Variants in FAM135A observed in about 807,000 individuals in gnomAD.
FAM135A encodes family with sequence similarity 135 member A.
A neutral mutation model predicts 146.8 loss-of-function variants in FAM135A; 79 were observed. The ratio of observed to expected loss-of-function variants is 0.54; its 90% CI spans 0.45 to 0.65. The LOEUF (loss-of-function observed/expected upper bound fraction) is 0.65. FAM135A is among the 30% of genes least tolerant of loss of function. FAM135A has a pLI of 0.00. For synonymous variants in FAM135A, 562 were observed against 603.6 expected (o/e 0.93, Z 1.01); for missense variants, 1,623 against 1,758.2 (o/e 0.92, Z 1.38).
chr6:70,486,210 A>G, intron 10 of FAM135A: 1 of 1,613,904 alleles, frequency 6.2e-7, no homozygotes, highest in Non-Finnish European at 8.5e-7. Flanking sequence ...TTCTCAGAAG[A>G]AAACAGCTAC....
In FAM135A at chr6:70,526,086, A is replaced by T; in HGVS notation, c.3002A>T (p.Asp1001Val). Residue 1001 changes from aspartate (D) to valine (V), a missense_variant, in exon 15 of 22, where the codon GAT becomes GTT. By Grantham distance (152) the Asp-to-Val change is radical (BLOSUM62 -3). Coordinates refer to ENST00000418814, the MANE Select transcript of FAM135A (RefSeq NM_001162529.3). ...GATAGAACTATGAAAAAAAATAGTG[A>T]TGTATTAAATCTCACACAGATGTAT... Reference protein sequence around the residue: ...SEDRTMKKNSDVLNLTQMYSE... With the variant: ...SEDRTMKKNSVVLNLTQMYSE... 1 of 1,613,092 alleles carries T rather than the reference A, an allele frequency of 6.2e-7. No individual in the cohort carries two copies. The highest frequency in any genetic ancestry group is 8.5e-7 in the Non-Finnish European group (1 of 1,179,570).
intron 15 of FAM135A, among the ~76,000 whole-genome samples, chr6:70,527,743 T>G (rs893491319): frequency 2.6e-5 from 4 of 152,182 alleles, no homozygotes; most frequent in Non-Finnish European, 5.9e-5. Flanking sequence ...TATATACCAC[T>G]AATTGTATGC....
intron 5 of FAM135A, among the ~76,000 whole-genome samples, chr6:70,458,136 A>T (rs1329154534): frequency 6.6e-6 from 1 of 151,264 alleles, no homozygotes; most frequent in Admixed American, 6.6e-5. Flanking sequence ...TTATCTGTGT[A>T]TTTTTTAATA....
chr6:70,452,406 T>G, intron 4 of FAM135A, 86 bp from the exon 5 acceptor site: 1 of 975,988 alleles, frequency 1.0e-6, no homozygotes, highest in Non-Finnish European at 1.5e-6. Context: ...ACTTTATTAT[T>G]TTAATATGGA....
In FAM135A at chr6:70,428,306, G is replaced by A; in HGVS notation, c.-37G>A. ...TTTTTTCCCTTTCCTTAACAAAGGT[G>A]CTGTTATCAGAATAGTCTTCTGGGT... On this transcript the variant is annotated splice_region_variant and 5_prime_UTR_variant, in exon 4 of 22. Transcript: ENST00000418814. 1.4e-6 allele frequency: 2 copies of A among 1,423,962 alleles called. No individual in the cohort carries two copies. Among genetic ancestry groups the A allele is most frequent in the Non-Finnish European group, 9.5e-7 (1 of 1,048,150 alleles). 88.2% of individuals were successfully genotyped at this position (1,423,962 alleles called of 1,614,324 possible). A position where few individuals can be genotyped will look rare whatever the true frequency, so the allele number is the denominator to read the frequency against.
At chr6:70,555,962 A>G (rs1391106291) in intron 20 of FAM135A, among the ~76,000 whole-genome samples, 1 of 152,040 alleles carries the variant, frequency 6.6e-6, no homozygotes, top group Non-Finnish European at 1.5e-5. Flanking sequence ...TCTCATGATT[A>G]AGATCCTTAG....
At chr6:70,460,287 C>T (rs970393585) in intron 5 of FAM135A, among the ~76,000 whole-genome samples, 3 of 152,180 alleles carry the variant, frequency 2.0e-5, no homozygotes, top group Admixed American at 6.5e-5. Context: ...TAGCTTCAAA[C>T]AGTATATTTA....
intron 20 of FAM135A, among the ~76,000 whole-genome samples, chr6:70,541,844 G>C (rs1428758672): frequency 6.6e-6 from 1 of 152,120 alleles, no homozygotes; most frequent in Non-Finnish European, 1.5e-5. Flanking sequence ...TGCCTAGTGA[G>C]AAACTTAGAA....
rs771685500 is a variant in FAM135A, at chr6:70,528,411, A to G, written c.3734A>G (p.Glu1245Gly). The change falls in exon 16 of 22, where the codon GAA becomes GGA. Residue 1245 changes from glutamate (E) to glycine (G), a missense_variant. Physicochemically the swap from Glu to Gly is moderately conservative, Grantham distance 98. Transcript: ENST00000418814. ...YFSVEEEDGS[E>G]DGVHLIVCVH... ...AGTGTAGAAGAAGAGGATGGTTCTG[A>G]AGATGGAGTACATCTGATTGTCTGT... is the stretch of plus-strand genomic sequence containing the variant. 2 of 1,612,914 alleles carry G rather than the reference A, an allele frequency of 1.2e-6. No individual in the cohort carries two copies. Among genetic ancestry groups the G allele is most frequent in the East Asian group, 4.5e-5 (2 of 44,832 alleles).
At chr6:70,473,930 C>A (rs966578430) in intron 5 of FAM135A, among the ~76,000 whole-genome samples, 2 of 152,334 alleles carry the variant, frequency 1.3e-5, no homozygotes, top group Admixed American at 6.5e-5. Context: ...TCCAACCCCC[C>A]AGCCTGAGGT....
intron 4 of FAM135A, among the ~76,000 whole-genome samples, chr6:70,441,553 A>G (rs1774481323): frequency 6.6e-6 from 1 of 152,198 alleles, no homozygotes; most frequent in African/African-American, 2.4e-5. Flanking sequence ...TCTTTGATCC[A>G]GACCTGGAGT....
At chr6:70,520,773 T>A (rs553111884) in intron 12 of FAM135A, among the ~76,000 whole-genome samples, 1 of 152,328 alleles carries the variant, frequency 6.6e-6, no homozygotes, top group African/African-American at 2.4e-5. Context: ...TGCCATCAGG[T>A]GGCAGTCATA....
chr6:70,538,805 GTTATATTATATTATA>G (rs57363541), intron 20 of FAM135A, among the ~76,000 whole-genome samples: 1,202 of 112,856 alleles, frequency 0.011, 9 homozygotes, highest in Middle Eastern at 0.017. Context: ...ATTATGTTAT[GTTATATTATATTATA>G]TTATATTATA....
chr6:70,465,003 A>G (rs948649070), intron 5 of FAM135A, among the ~76,000 whole-genome samples: 1 of 151,538 alleles, frequency 6.6e-6, no homozygotes, highest in Admixed American at 6.6e-5. Flanking sequence ...GTTATCTTGA[A>G]TAACTGAAAT....
At position 70,523,358 on chromosome 6, in the gene FAM135A, G is replaced by A. The variant is rs117274742; in HGVS notation, c.1104-609G>A. Reference sequence around the variant, plus strand: ...TAAATAATAATAGAGTATCAGGGTAGGTAGTGAGTGCTGATAGAAAGGGTA... The same window carrying A: ...TAAATAATAATAGAGTATCAGGGTAAGTAGTGAGTGCTGATAGAAAGGGTA... On this transcript the variant is annotated intron_variant, in intron 13 of 21. Transcript: ENST00000418814. Among the ~76,000 whole-genome samples, 10 of 152,266 alleles carry A rather than the reference G, an allele frequency of 6.6e-5. No individual in the cohort carries two copies. In the East Asian group the frequency reaches 1.9e-3, roughly 29 times the overall value.
At chr6:70,437,840 A>C (rs1773543119) in intron 4 of FAM135A, among the ~76,000 whole-genome samples, 1 of 152,142 alleles carries the variant, frequency 6.6e-6, no homozygotes, top group Admixed American at 6.5e-5. Flanking sequence ...CATTTTGAAG[A>C]GATTAGTGAG....
At chr6:70,485,261 T>G (rs1320689548) in intron 10 of FAM135A, among the ~76,000 whole-genome samples, 1 of 152,136 alleles carries the variant, frequency 6.6e-6, no homozygotes, top group Non-Finnish European at 1.5e-5. Flanking sequence ...TAGGGATTTT[T>G]AAAATCAAGA....
intron 3 of FAM135A, among the ~76,000 whole-genome samples, chr6:70,427,659 TA>T (rs149833098): frequency 0.13 from 19,177 of 152,254 alleles, 1,481 homozygotes; most frequent in Middle Eastern, 0.19. Flanking sequence ...TAAAAAATTT[TA>T]CAAATGCACA....
rs1456398186 is a variant in FAM135A, at chr6:70,444,414, T to A, written c.78-8078T>A. ...TAAGTCTGTGTCTCAAAAAAATAAATAAATAAATAAATAAATAAGCATGCC... is the reference window on the plus strand; with the variant it reads ...TAAGTCTGTGTCTCAAAAAAATAAAAAAATAAATAAATAAATAAGCATGCC... On this transcript the variant is annotated intron_variant, in intron 4 of 21. Transcript: ENST00000418814. Among the ~76,000 whole-genome samples the A allele has an allele frequency of 3.3e-5, 5 of 151,040 alleles. No homozygotes were observed. The South Asian group carries it at 6.3e-4, about 19-fold the overall frequency.
Sources: gnomAD v4.1 joint callset for allele counts (sites outside exome capture counted in the v4.1 genomes callset) on GRCh38, gnomAD v4.1.1 for gene constraint, MANE v1.5 for transcripts, NCBI Gene and HGNC (gene_info 2026-07-23, HGNC 2026-07-21) for gene names.